Variants in HACE1 observed in about 807,000 individuals in gnomAD.
HACE1 encodes E3 ubiquitin-protein ligase HACE1.
In HACE1, 73 loss-of-function variants were observed where a neutral mutation model predicts 118.4. The observed-to-expected ratio is 0.62, with a 90% confidence interval of 0.51 to 0.75. HACE1 has a LOEUF of 0.75. HACE1 is among the 30% of genes least tolerant of loss of function. HACE1 has a pLI of 0.00. For missense variants in HACE1, 749 were observed against 1,102.2 expected, an observed-to-expected ratio of 0.68 and a Z score of 4.54; for synonymous variants, 368 against 374.8, an observed-to-expected ratio of 0.98 and a Z score of 0.21.
intron 22 of HACE1, among the ~76,000 whole-genome samples, chr6:104,737,030 T>C (rs768469264): frequency 9.9e-5 from 15 of 151,734 alleles, no homozygotes; most frequent in Non-Finnish European, 1.3e-4. Context: ...ACACCTGTAA[T>C]CCTAGCACTT....
At chr6:104,786,393 T>A in intron 11 of HACE1, 1 of 89,730 alleles carries the variant, frequency 1.1e-5, no homozygotes, top group African/African-American at 4.2e-5. Context: ...AAGTAAAGAT[T>A]AACACCTTTC....
intron 22 of HACE1, among the ~76,000 whole-genome samples, chr6:104,743,072 A>C (rs1321376090): frequency 6.6e-6 from 1 of 151,372 alleles, no homozygotes; most frequent in Non-Finnish European, 1.5e-5. Flanking sequence ...ACAAAAAACC[A>C]AACACCGCGT....
chr6:104,847,723 G>A (rs1019663924), intron 4 of HACE1, among the ~76,000 whole-genome samples: 2 of 151,942 alleles, frequency 1.3e-5, no homozygotes, highest in African/African-American at 2.4e-5. Flanking sequence ...GCACAGTTGA[G>A]AATAGGAAAC....
At chr6:104,786,191 A>C (rs927339276) in intron 11 of HACE1, 3 of 151,896 alleles carry the variant, frequency 2.0e-5, no homozygotes, top group Non-Finnish European at 4.4e-5. Context: ...AATACAAAAA[A>C]TTAGCCAGAC....
In HACE1 at chr6:104,848,400, G is replaced by A. The variant is rs192786614; in HGVS notation, c.326+742C>T. ...GAACTCGGGAGATAGAGGTTGCAGCGAGCCGAGACTGTGCCACTGCACTCC... is the reference window on the plus strand; with the variant it reads ...GAACTCGGGAGATAGAGGTTGCAGCAAGCCGAGACTGTGCCACTGCACTCC... On this transcript the variant is annotated intron_variant, in intron 4 of 23. Coordinates refer to ENST00000262903, the MANE Select transcript of HACE1 (RefSeq NM_020771.4). Among the ~76,000 whole-genome samples the A allele has an allele frequency of 3.9e-3, 588 of 149,976 alleles. 5 individuals carry two copies. The highest frequency in any genetic ancestry group is 0.014 in the African/African-American group (564 of 40,798).
Position 104,859,870 on chromosome 6 carries a change from T to C in HACE1, c.-228A>G. The C allele has an allele frequency of 2.0e-6, 1 of 492,306 alleles. No homozygotes were observed. The highest frequency in any genetic ancestry group is 3.6e-6 in the Non-Finnish European group (1 of 280,014). 30.5% of individuals were successfully genotyped at this position (492,306 alleles called of 1,614,324 possible). On this transcript the variant is annotated 5_prime_UTR_variant, in exon 1 of 24. Coordinates refer to ENST00000262903, the MANE Select transcript of HACE1 (RefSeq NM_020771.4). The stretch of plus-strand genomic sequence containing the variant: ...ACCCGCCGCCGCCTCTGCTCGCGCC[T>C]TTCCTGCAGCCCCCGCCGCCGCGTC...
At chr6:104,785,352 T>C (rs1229492153) in intron 11 of HACE1, 33 bp from the exon 12 acceptor site, 5 of 1,196,404 alleles carry the variant, frequency 4.2e-6, no homozygotes, top group East Asian at 2.3e-5. Flanking sequence ...TTAAACATCA[T>C]TCTTAAACTA....
intron 19 of HACE1, among the ~76,000 whole-genome samples, chr6:104,758,849 G>A (rs1274226661): frequency 6.6e-6 from 1 of 151,250 alleles, no homozygotes; most frequent in Non-Finnish European, 1.5e-5. Flanking sequence ...AGGGATAGAG[G>A]AAGATCTACC....
intron 19 of HACE1, among the ~76,000 whole-genome samples, chr6:104,769,988 G>A (rs767147337): frequency 7.2e-5 from 11 of 152,018 alleles, no homozygotes; most frequent in Non-Finnish European, 1.2e-4. Context: ...TTTGTGCTGT[G>A]CTTTTCATTT....
At chr6:104,841,021 T>C (rs1174880029) in intron 5 of HACE1, among the ~76,000 whole-genome samples, 1 of 151,244 alleles carries the variant, frequency 6.6e-6, no homozygotes, top group East Asian at 1.9e-4. Flanking sequence ...CTCGGGAGGC[T>C]GAGGCAGGAG....
intron 19 of HACE1, among the ~76,000 whole-genome samples, chr6:104,751,214 C>G (rs528373106): frequency 6.6e-6 from 1 of 152,314 alleles, no homozygotes; most frequent in African/African-American, 2.4e-5. Context: ...AATGTAATCT[C>G]TCTGCAGACA....
intron 5 of HACE1, among the ~76,000 whole-genome samples, chr6:104,838,238 T>C (rs76851900): frequency 0.038 from 5,827 of 152,186 alleles, 365 homozygotes; most frequent in African/African-American, 0.14. Context: ...ACAAAAGATC[T>C]AGAATAGCAA....
intron 20 of HACE1, among the ~76,000 whole-genome samples, chr6:104,745,817 T>C (rs921650884): frequency 1.3e-5 from 2 of 152,064 alleles, no homozygotes; most frequent in African/African-American, 4.8e-5. Flanking sequence ...TCATAACATA[T>C]ACCTGACCTT....
intron 11 of HACE1, among the ~76,000 whole-genome samples, chr6:104,789,119 A>T (rs189383516): frequency 6.6e-6 from 1 of 152,246 alleles, no homozygotes; most frequent in East Asian, 1.9e-4. Flanking sequence ...CCCCACAATG[A>T]ACAGGAGATC....
chr6:104,756,745 T>C (rs980527238), intron 19 of HACE1, among the ~76,000 whole-genome samples: 1 of 152,050 alleles, frequency 6.6e-6, no homozygotes, highest in Non-Finnish European at 1.5e-5. Context: ...CAGGGTGTCG[T>C]TTCACCCGGG....
chr6:104,831,758 TG>T (rs1773897853), intron 6 of HACE1, among the ~76,000 whole-genome samples: 1 of 151,146 alleles, frequency 6.6e-6, no homozygotes, highest in Admixed American at 6.6e-5. Flanking sequence ...CCGGGCGTGG[TG>T]GCCGGTCCCT....
chr6:104,746,281 T>G (rs930586515), intron 20 of HACE1, among the ~76,000 whole-genome samples: 1 of 152,224 alleles, frequency 6.6e-6, no homozygotes, highest in Non-Finnish European at 1.5e-5. Flanking sequence ...GAACTGCTAG[T>G]ATAGGGTGTG....
rs1775723885 is a variant in HACE1, at chr6:104,735,531, T to C, written c.2514-5115A>G. 2.0e-5 allele frequency among the ~76,000 whole-genome samples: 3 copies of C among 151,702 alleles called. No individual in the cohort carries two copies. The South Asian group carries it at 6.2e-4, about 31-fold the overall frequency. On this transcript the variant is annotated intron_variant, in intron 22 of 23. Coordinates refer to ENST00000262903, the MANE Select transcript of HACE1 (RefSeq NM_020771.4). Reference sequence around the variant, plus strand: ...CTATAGTCCCAGCTACTTGGGAGGCTGAGGCAGGAGAATGGCGTGAACCCA... The same window carrying C: ...CTATAGTCCCAGCTACTTGGGAGGCCGAGGCAGGAGAATGGCGTGAACCCA...
At chr6:104,758,449 A>G (rs1778962908) in intron 19 of HACE1, among the ~76,000 whole-genome samples, 3 of 152,192 alleles carry the variant, frequency 2.0e-5, no homozygotes, top group Non-Finnish European at 4.4e-5. Flanking sequence ...CAGCCAAACT[A>G]AGCTTCATAA....
Sources: allele counts gnomAD v4.1 joint callset (sites outside exome capture counted in the v4.1 genomes callset), GRCh38; gene constraint gnomAD v4.1.1; transcripts MANE v1.5; gene names NCBI Gene and HGNC (gene_info 2026-07-23, HGNC 2026-07-21).